The following WRAP53 variants were observed in gnomAD, a reference collection of about 807,000 sequenced individuals.
WRAP53 encodes the protein telomerase Cajal body protein 1.
WRAP53 carries 28 observed loss-of-function variants against 56.6 expected under a neutral mutation model. The observed-to-expected ratio is 0.50, with a 90% CI of 0.37 to 0.68. The LOEUF (loss-of-function observed/expected upper bound fraction) is 0.68, where lower values mean the gene tolerates loss of function less well. Ranked by LOEUF, WRAP53 falls within the 30% of genes least tolerant of loss-of-function variation. The pLI is 0.00. For missense variants in WRAP53, 671 were observed against 715.5 expected, an observed-to-expected ratio of 0.94 and a Z score of 0.71; for synonymous variants, 283 against 283.4, an observed-to-expected ratio of 1.00 and a Z score of 0.01.
chr17:7,694,470 C>T (rs889670988), intron 4 of WRAP53, among the ~76,000 whole-genome samples: 5 of 151,964 alleles, frequency 3.3e-5, no homozygotes, highest in African/African-American at 7.2e-5. Flanking sequence ...CTCAAACTCC[C>T]GACCTCAAGT....
In WRAP53 at chr17:7,702,372, C is replaced by T; in HGVS notation, c.984C>T (p.Ile328=). The T allele has an allele frequency of 6.2e-7, 1 of 1,614,176 alleles. No homozygotes were observed. The highest frequency in any genetic ancestry group is 8.5e-7 in the Non-Finnish European group (1 of 1,180,036). ...FAKKQGQSGI[I]SCIAFSPAQP... is the part of the protein sequence containing the mutation. The stretch of plus-strand genomic sequence containing the variant: ...AAAAGCAGGGCCAGAGCGGCATCAT[C>T]TCCTGCATAGCCTTCAGCCCAGCCC... Residue 328 remains isoleucine, a synonymous_variant, in exon 8 of 11, where the codon ATC becomes ATT. Transcript: ENST00000396463. This position sits in a 1 kb window ranked among gnomAD's most constrained non-coding sequence, Gnocchi z 5.0.
intron 4 of WRAP53, 128 bp downstream of exon 4, chr17:7,689,829 T>C: frequency 1.3e-6 from 1 of 753,682 alleles, no homozygotes; most frequent in South Asian, 1.6e-5. Flanking sequence ...AGTTTCCACA[T>C]GTAGCGTTTT....
At chr17:7,697,026 G>GT (rs1320340702) in intron 4 of WRAP53, among the ~76,000 whole-genome samples, 1 of 152,112 alleles carries the variant, frequency 6.6e-6, no homozygotes, top group African/African-American at 2.4e-5. Context: ...TCACAAATCA[G>GT]TAAGAAAAAG....
chr17:7,686,786 TC>T (rs1385009915), upstream of WRAP53: 1 of 152,400 alleles, frequency 6.6e-6, no homozygotes, highest in African/African-American at 2.4e-5. Context: ...ACTTCTCACT[TC>T]CACGACTGAC....
At position 7,701,636 on chromosome 17, in the gene WRAP53, T is replaced by G; in HGVS notation, c.823-21T>G. ...AGCTGAGGCTTTGCAAGACCTGTTT[T>G]CAGCCCTTTCCTTCCCCCAGGATGA... is the stretch of plus-strand genomic sequence containing the variant. On this transcript the variant is annotated intron_variant, in intron 6 of 10. Coordinates refer to ENST00000396463, the MANE Select transcript of WRAP53 (RefSeq NM_001143992.2). The surrounding 1 kb of genome is among the most constrained non-coding windows in gnomAD (Gnocchi z 4.2). The G allele has an allele frequency of 1.2e-6, 2 of 1,614,276 alleles. No homozygotes were observed. Among genetic ancestry groups the G allele is most frequent in the Non-Finnish European group, 1.7e-6 (2 of 1,180,054 alleles).
upstream of WRAP53, chr17:7,688,038 T>C (rs1367840076): frequency 4.3e-5 from 7 of 161,634 alleles, no homozygotes; most frequent in African/African-American, 1.7e-4. Flanking sequence ...TTTTCTACTA[T>C]CTTATTCATT....
At chr17:7,695,513 T>C (rs2074171559) in intron 4 of WRAP53, among the ~76,000 whole-genome samples, 1 of 152,164 alleles carries the variant, frequency 6.6e-6, no homozygotes, top group Non-Finnish European at 1.5e-5. Context: ...CTTTGCATCC[T>C]CTGTACCCTT....
chr17:7,693,030 C>G (rs980502085), intron 4 of WRAP53, among the ~76,000 whole-genome samples: 1 of 151,728 alleles, frequency 6.6e-6, no homozygotes, highest in Non-Finnish European at 1.5e-5. Flanking sequence ...CATGAGCCAC[C>G]GCGCCCAGCC....
Position 7,689,588 on chromosome 17 carries a change from A to G in WRAP53, c.531-2A>G, listed in dbSNP as rs2074081638. The G allele has an allele frequency of 6.2e-7, 1 of 1,613,698 alleles. No homozygotes were observed. Among genetic ancestry groups the G allele is most frequent in the South Asian group, 1.1e-5 (1 of 91,064 alleles). On this transcript the variant is annotated splice_acceptor_variant, in intron 3 of 10. Coordinates refer to ENST00000396463, the MANE Select transcript of WRAP53 (RefSeq NM_001143992.2). LOFTEE classifies it high-confidence loss of function. ...AGCTTTCTAACTCTCCCCTGTTTCTAGGGCTCCTGACGGTTCCTGCATCTT... is the reference window on the plus strand; with the variant it reads ...AGCTTTCTAACTCTCCCCTGTTTCTGGGGCTCCTGACGGTTCCTGCATCTT...
chr17:7,692,746 C>CTTTTTTTTT (rs1177019881), intron 4 of WRAP53, among the ~76,000 whole-genome samples: 6 of 98,066 alleles, frequency 6.1e-5, no homozygotes, highest in African/African-American at 1.5e-4. Flanking sequence ...GGTCATTCTC[C>CTTTTTTTTT]TTTTTTTTTT....
chr17:7,689,804 C>A, intron 4 of WRAP53, 103 bp downstream of exon 4: 2 of 970,964 alleles, frequency 2.1e-6, no homozygotes, highest in Non-Finnish European at 3.2e-6. Context: ...ACAAACGGGA[C>A]TGTTTTTCAA....
chr17:7,700,363 G>A (rs2074257742), intron 4 of WRAP53, among the ~76,000 whole-genome samples: 1 of 151,770 alleles, frequency 6.6e-6, no homozygotes, highest in Non-Finnish European at 1.5e-5. Context: ...AAAAGTATAA[G>A]GCCCGGCACG....
chr17:7,688,913 T>A lies in WRAP53; in HGVS notation c.265T>A (p.Leu89Met), dbSNP rs372152816. ...AACAGAGTTTGGTTCCCCTAGTGAG[T>A]TGAGTCCTCGAATCGAGGAGCAAGA... is the stretch of plus-strand genomic sequence containing the variant. ...LETEFGSPSELSPRIEEQELS... is the reference protein window; with the variant it reads ...LETEFGSPSEMSPRIEEQELS... The change falls in exon 2 of 11, where the codon TTG becomes ATG. Residue 89 changes from leucine (L) to methionine (M), a missense_variant. Leu to Met is a conservative substitution (Grantham distance 15, BLOSUM62 2). Transcript: ENST00000396463. 1.1e-5 allele frequency: 18 copies of A among 1,613,988 alleles called. 1 individual carries two copies. The highest frequency in any genetic ancestry group is 1.7e-5 in the Admixed American group (1 of 59,984).
At chr17:7,687,428 C>T (rs1044752659), upstream of WRAP53, 36 of 398,574 alleles carry the variant, frequency 9.0e-5, no homozygotes, top group East Asian at 9.3e-4. Flanking sequence ...CCAGCCCGAA[C>T]GCAAAGTGTC....
At position 7,703,356 on chromosome 17, in the gene WRAP53, G is replaced by T. The variant is rs143189042; in HGVS notation, c.1517G>T (p.Arg506Leu). 1 of 1,613,912 alleles carries T rather than the reference G, an allele frequency of 6.2e-7. No homozygotes were observed. The highest frequency in any genetic ancestry group is 8.5e-7 in the Non-Finnish European group (1 of 1,180,020). ...CTGGGCCTTCCCTTGCTCTCCACGC[G>T]CCACGTCCACCTTGAATGTCGGCTT... ...EELGLPLLST[R>L]HVHLECRLQL... Residue 506 changes from arginine (R) to leucine (L), a missense_variant, in exon 11 of 11, where the codon CGC becomes CTC. Transcript: ENST00000396463.
At chr17:7,691,786 A>G (rs1182221697) in intron 4 of WRAP53, among the ~76,000 whole-genome samples, 1 of 151,360 alleles carries the variant, frequency 6.6e-6, no homozygotes, top group Non-Finnish European at 1.5e-5. Flanking sequence ...CAGCCTTCCA[A>G]AGTGCTAGGA....
intron 4 of WRAP53, among the ~76,000 whole-genome samples, chr17:7,697,758 T>C (rs546116080): frequency 2.6e-5 from 4 of 152,304 alleles, no homozygotes; most frequent in African/African-American, 4.8e-5. Context: ...ATCTCTCTTA[T>C]AGTAATGATG....
chr17:7,693,737 A>T (rs8076771), intron 4 of WRAP53, among the ~76,000 whole-genome samples: 29,747 of 151,918 alleles, frequency 0.2, 4,091 homozygotes, highest in African/African-American at 0.39. Flanking sequence ...TAATAAAATT[A>T]AAAAAAAGTA....
chr17:7,693,717 CA>C (rs965304612), intron 4 of WRAP53, among the ~76,000 whole-genome samples: 7 of 148,844 alleles, frequency 4.7e-5, no homozygotes, highest in African/African-American at 1.7e-4. Context: ...GACTTAGTCT[CA>C]AAAAAAAATA....
Sources: gnomAD v4.1 joint callset for allele counts (sites outside exome capture counted in the v4.1 genomes callset) on GRCh38, gnomAD v4.1.1 for gene constraint, Gnocchi (gnomAD v3.1) non-coding constraint, MANE v1.5 for transcripts, NCBI Gene and HGNC (gene_info 2026-07-23, HGNC 2026-07-21) for gene names.